The following TSPAN19 variants were observed in gnomAD, a reference collection of about 807,000 sequenced individuals.
TSPAN19 encodes tetraspanin 19.
TSPAN19 carries 44 observed loss-of-function variants against 35.1 expected under a neutral mutation model. The observed-to-expected ratio is 1.25, with a 90% confidence interval of 0.98 to 1.61. The LOEUF (loss-of-function observed/expected upper bound fraction) is 1.61, where lower values mean the gene tolerates loss of function less well. Among genes scored for constraint, TSPAN19 ranks in the 40% most tolerant of loss-of-function variants. The pLI is 0.00. For missense variants in TSPAN19, 290 were observed against 280.0 expected, an observed-to-expected ratio of 1.04 and a Z score of -0.26; for synonymous variants, 79 against 92.0, an observed-to-expected ratio of 0.86 and a Z score of 0.81.
At chr12:85,016,105 G>T in intron 7 of TSPAN19, 134 bp from the exon 8 acceptor site, 1 of 528,766 alleles carries the variant, frequency 1.9e-6, no homozygotes. Flanking sequence ...TCTAATTGGC[G>T]AACTGGACTT....
intron 1 of TSPAN19, among the ~76,000 whole-genome samples, chr12:85,031,978 T>C (rs1009634354): frequency 6.6e-6 from 1 of 152,088 alleles, no homozygotes; most frequent in Non-Finnish European, 1.5e-5. Context: ...AGAGCTTGGA[T>C]TAAGCTTTAA....
intron 7 of TSPAN19, 143 bp from the exon 8 acceptor site, chr12:85,016,114 T>G: frequency 2.0e-6 from 1 of 511,064 alleles, no homozygotes. Flanking sequence ...CGAACTGGAC[T>G]TTTAGTCCAG....
In TSPAN19 at chr12:85,017,339, T is replaced by C. The variant is rs987401772; in HGVS notation, c.594+117A>G. 3 of 894,332 alleles carry C rather than the reference T, an allele frequency of 3.4e-6. No individual in the cohort carries two copies. In the African/African-American group the frequency reaches 5.2e-5, roughly 15 times the overall value. 55.4% of individuals were successfully genotyped at this position (894,332 alleles called of 1,614,324 possible). A position where few individuals can be genotyped will look rare whatever the true frequency, so the allele number is the denominator to read the frequency against. ...AACTTAGGGAAGTGGATTAAGAATGTAGCCACCGTCAACAACATTATTTTT... is the reference window on the plus strand; with the variant it reads ...AACTTAGGGAAGTGGATTAAGAATGCAGCCACCGTCAACAACATTATTTTT... On this transcript the variant is annotated intron_variant, in intron 7 of 8. Coordinates refer to ENST00000532498, the MANE Select transcript of TSPAN19 (RefSeq NM_001100917.2).
chr12:85,020,825 AT>A (rs1288504547), intron 5 of TSPAN19, among the ~76,000 whole-genome samples: 1 of 151,918 alleles, frequency 6.6e-6, no homozygotes, highest in Non-Finnish European at 1.5e-5. Context: ...TTGGATCTTT[AT>A]TTTTTGGTCT....
chr12:85,028,851 A>G (rs1877549272), intron 3 of TSPAN19, among the ~76,000 whole-genome samples: 1 of 152,180 alleles, frequency 6.6e-6, no homozygotes, highest in Admixed American at 6.6e-5. Flanking sequence ...TTGCCGGCAT[A>G]CTACTGGGAA....
intron 6 of TSPAN19, among the ~76,000 whole-genome samples, 188 bp from the exon 7 acceptor site, chr12:85,017,787 C>A (rs925155268): frequency 2.0e-5 from 3 of 151,782 alleles, no homozygotes; most frequent in African/African-American, 7.3e-5. Flanking sequence ...TTATTGTTGT[C>A]AGCCATAGAT....
At chr12:85,022,285 A>G (rs1378719926) in intron 5 of TSPAN19, among the ~76,000 whole-genome samples, 1 of 152,086 alleles carries the variant, frequency 6.6e-6, no homozygotes, top group Non-Finnish European at 1.5e-5. Flanking sequence ...TCTAAATGCC[A>G]GGCCATTAAC....
intron 5 of TSPAN19, among the ~76,000 whole-genome samples, chr12:85,021,755 T>C (rs556455593): frequency 1.3e-5 from 2 of 152,078 alleles, no homozygotes; most frequent in African/African-American, 4.8e-5. Context: ...AGAAGACAAA[T>C]TGATGTAAAC....
chr12:85,023,453 T>C, intron 4 of TSPAN19, 53 bp from the exon 5 acceptor site: 1 of 1,374,016 alleles, frequency 7.3e-7, no homozygotes, highest in South Asian at 1.3e-5. Context: ...ATATGTTTTG[T>C]ATGCTCAAAT....
chr12:85,029,757 CATG>C lies in TSPAN19; in HGVS notation c.98_100del (p.Ala33_Trp34delinsGly), dbSNP rs1877592061. 1.9e-6 allele frequency: 3 copies of C among 1,542,904 alleles called. No homozygotes were observed. Among genetic ancestry groups the C allele is most frequent in the Non-Finnish European group, 2.6e-6 (3 of 1,144,956 alleles). ...AAAATTATTTCTATCTAATAAGAGC[CATG>C]CACCAAATCCCATGAATAAAAGTCC... On this transcript the variant is annotated inframe_deletion, in exon 3 of 9. Coordinates refer to ENST00000532498, the MANE Select transcript of TSPAN19 (RefSeq NM_001100917.2).
chr12:85,032,908 T>C (rs1216681591), intron 1 of TSPAN19, among the ~76,000 whole-genome samples: 1 of 152,148 alleles, frequency 6.6e-6, no homozygotes, highest in East Asian at 1.9e-4. Flanking sequence ...AGAGATGCTA[T>C]AGGAATGGAC....
intron 7 of TSPAN19, chr12:85,017,208 A>AGTC: frequency 2.6e-6 from 1 of 378,726 alleles, no homozygotes. Flanking sequence ...AAGACTGATG[A>AGTC]TATCCCAAGT....
At chr12:85,021,081 T>C (rs1206394845) in intron 5 of TSPAN19, among the ~76,000 whole-genome samples, 1 of 152,092 alleles carries the variant, frequency 6.6e-6, no homozygotes, top group African/African-American at 2.4e-5. Flanking sequence ...TTTACAAATT[T>C]ATATAATTTT....
At chr12:85,016,017 C>G in intron 7 of TSPAN19, 46 bp from the exon 8 acceptor site, 1 of 1,160,036 alleles carries the variant, frequency 8.6e-7, no homozygotes, top group African/African-American at 1.6e-5. Context: ...TGGAAATGAT[C>G]TTATACATAA....
intron 1 of TSPAN19, among the ~76,000 whole-genome samples, chr12:85,033,795 A>C (rs560526400): frequency 6.6e-6 from 1 of 152,154 alleles, no homozygotes. Flanking sequence ...CAGTATCATC[A>C]TCTGTAAATG....
chr12:85,016,238 G>T (rs977065686), intron 7 of TSPAN19: 41 of 308,026 alleles, frequency 1.3e-4, no homozygotes, highest in African/African-American at 7.5e-4. Flanking sequence ...TTTCTCTTCT[G>T]CAGACTATTG....
intron 1 of TSPAN19, among the ~76,000 whole-genome samples, chr12:85,033,144 G>A (rs1001920646): frequency 2.6e-5 from 4 of 152,086 alleles, no homozygotes; most frequent in African/African-American, 9.7e-5. Context: ...ATGATTTTGA[G>A]ATGACTCTTG....
chr12:85,020,133 T>A (rs1233849063), intron 5 of TSPAN19, among the ~76,000 whole-genome samples: 1 of 151,888 alleles, frequency 6.6e-6, no homozygotes, highest in African/African-American at 2.4e-5. Flanking sequence ...ATTCCTTGAT[T>A]CTGTGGGGGT....
chr12:85,017,229 C>A (rs1876861334), intron 7 of TSPAN19: 1 of 436,996 alleles, frequency 2.3e-6, no homozygotes. Flanking sequence ...TCCAAGAATA[C>A]ATAAATCATA....
Sources: allele counts gnomAD v4.1 joint callset (sites outside exome capture counted in the v4.1 genomes callset), GRCh38; gene constraint gnomAD v4.1.1; transcripts MANE v1.5; gene names NCBI Gene and HGNC (gene_info 2026-07-23, HGNC 2026-07-21).